TET2: variants seen among roughly 807,000 people sequenced by gnomAD.
The protein encoded by TET2 is tet methylcytosine dioxygenase 2.
A neutral mutation model predicts 142.9 loss-of-function variants in TET2; 299 were observed. The ratio of observed to expected loss-of-function variants is 2.09; its 90% confidence interval spans 1.90 to 2.30. The LOEUF (loss-of-function observed/expected upper bound fraction) is 2.30. Among genes scored for constraint, TET2 ranks in the 30% most tolerant of loss-of-function variants. The probability of loss-of-function intolerance (pLI) is 0.00; values close to 1 mark genes in which losing one functional copy is unlikely to be tolerated. For missense variants in TET2, 2,418 were observed against 2,378.0 expected (o/e 1.02, Z -0.35); for synonymous variants, 819 against 849.0 (o/e 0.96, Z 0.61).
intron 2 of TET2, among the ~76,000 whole-genome samples, chr4:105,190,951 A>G (rs930933898): frequency 2.0e-5 from 3 of 152,220 alleles, no homozygotes; most frequent in African/African-American, 7.2e-5. Context: ...TACCTCCTGC[A>G]CCTGGCTAGT....
rs958809261 is a variant in TET2, at chr4:105,277,811, C to G, written c.*1292C>G. The G allele has an allele frequency of 4.4e-6, 1 of 226,598 alleles. No homozygotes were observed. The highest frequency in any genetic ancestry group is 2.2e-5 in the African/African-American group (1 of 44,938). 14.0% of individuals were successfully genotyped at this position (226,598 alleles called of 1,614,324 possible). On this transcript the variant is annotated 3_prime_UTR_variant, in exon 11 of 11. Transcript: ENST00000380013. ...GCTGCATGCTGCAGACTCAACAAAGCTAGTTCACTGAAGCCTATGCTATTT... is the reference window on the plus strand; with the variant it reads ...GCTGCATGCTGCAGACTCAACAAAGGTAGTTCACTGAAGCCTATGCTATTT...
chr4:105,149,802 G>A (rs947512789), intron 1 of TET2, among the ~76,000 whole-genome samples: 1 of 152,128 alleles, frequency 6.6e-6, no homozygotes, highest in South Asian at 2.1e-4. Flanking sequence ...GCCAGAAGCC[G>A]GAGGAATTGA....
chr4:105,256,636 C>T (rs1730147375), intron 6 of TET2, among the ~76,000 whole-genome samples: 1 of 152,086 alleles, frequency 6.6e-6, no homozygotes, highest in African/African-American at 2.4e-5. Context: ...TGATGTTGTT[C>T]ATCAAATTTG....
intron 2 of TET2, among the ~76,000 whole-genome samples, chr4:105,211,607 A>G (rs1436017859): frequency 2.0e-5 from 3 of 152,184 alleles, no homozygotes; most frequent in Non-Finnish European, 2.9e-5. Context: ...ACACAGGTCT[A>G]AATGAAAGGA....
intron 2 of TET2, among the ~76,000 whole-genome samples, chr4:105,207,070 GATTCCAAAC>G (rs1474004023): frequency 6.6e-6 from 1 of 152,130 alleles, no homozygotes; most frequent in Non-Finnish European, 1.5e-5. Flanking sequence ...AACTGATAAA[GATTCCAAAC>G]ATTAATATAT....
chr4:105,210,903 AGAGT>A lies in TET2; in HGVS notation c.-47+20401_-47+20404del, dbSNP rs1578627307. Among the ~76,000 whole-genome samples, 3 of 152,194 alleles carry A rather than the reference AGAGT, an allele frequency of 2.0e-5. No individual in the cohort carries two copies. In the East Asian group the frequency reaches 5.8e-4, roughly 29 times the overall value. ...TTAATTCATTGTCTATACAGCTACC[AGAGT>A]GATCTTTTAAAGGTCTAAATCAGTT... On this transcript the variant is annotated intron_variant, in intron 2 of 10. Transcript: ENST00000380013.
intron 2 of TET2, among the ~76,000 whole-genome samples, chr4:105,208,025 A>G (rs1021559532): frequency 6.6e-6 from 1 of 152,186 alleles, no homozygotes; most frequent in African/African-American, 2.4e-5. Flanking sequence ...ACTAGGAGAC[A>G]ATTGAAAATC....
intron 9 of TET2, among the ~76,000 whole-genome samples, chr4:105,271,262 C>T (rs1371038300): frequency 6.6e-6 from 1 of 152,162 alleles, no homozygotes; most frequent in Non-Finnish European, 1.5e-5. Flanking sequence ...TACCAACCAC[C>T]CCAACATCTA....
intron 1 of TET2, among the ~76,000 whole-genome samples, chr4:105,182,465 G>A (rs554452070): frequency 2.0e-5 from 3 of 152,298 alleles, no homozygotes; most frequent in South Asian, 2.1e-4. Context: ...TAAGGGAGAC[G>A]TCTACTTGTC....
chr4:105,236,785 A>G lies in TET2; in HGVS notation c.2843A>G (p.Lys948Arg). The G allele has an allele frequency of 4.3e-6, 7 of 1,614,138 alleles. No individual in the cohort carries two copies. Among genetic ancestry groups the G allele is most frequent in the Non-Finnish European group, 5.9e-6 (7 of 1,179,996 alleles). ...TQTPPQKDTQ[K>R]HAALRWHLLQ... ...ACCCCTCCCCAGAAGGACACTCAAA[A>G]GCATGCTGCTCTAAGGTGGCATCTC... Residue 948 changes from lysine to arginine, a missense_variant, in exon 3 of 11, where the codon AAG becomes AGG. Coordinates refer to ENST00000380013, the MANE Select transcript of TET2 (RefSeq NM_001127208.3).
Position 105,237,148 on chromosome 4 carries a change from C to A in TET2, c.3206C>A (p.Thr1069Asn). 6.2e-7 allele frequency: 1 copy of A among 1,614,118 alleles called. No homozygotes were observed. The highest frequency in any genetic ancestry group is 2.2e-5 in the East Asian group (1 of 44,870). ...CCAGTCACAGTTTTGACTAGACAAACCACTGCTGCAGAACTTGATAGCCAC... is the reference window on the plus strand; with the variant it reads ...CCAGTCACAGTTTTGACTAGACAAAACACTGCTGCAGAACTTGATAGCCAC... ...SGPVTVLTRQTTAAELDSHTP... is the reference protein window; with the variant it reads ...SGPVTVLTRQNTAAELDSHTP... Residue 1069 changes from threonine (T) to asparagine (N), a missense_variant, in exon 3 of 11, where the codon ACC becomes AAC. Thr to Asn is a moderately conservative substitution (Grantham distance 65, BLOSUM62 0). Coordinates refer to ENST00000380013, the MANE Select transcript of TET2 (RefSeq NM_001127208.3).
intron 1 of TET2, among the ~76,000 whole-genome samples, chr4:105,179,992 G>A (rs997380576): frequency 6.6e-6 from 1 of 152,160 alleles, no homozygotes; most frequent in African/African-American, 2.4e-5. Context: ...ACTAAGGGTT[G>A]TTCATTTGTC....
At chr4:105,168,830 A>G (rs1423571522) in intron 1 of TET2, among the ~76,000 whole-genome samples, 3 of 152,162 alleles carry the variant, frequency 2.0e-5, no homozygotes, top group Admixed American at 2.0e-4. Context: ...GAGTGAGAAC[A>G]TATGATGTTT....
chr4:105,163,854 AGTGTGT>A (rs111673454), intron 1 of TET2, among the ~76,000 whole-genome samples: 4 of 85,238 alleles, frequency 4.7e-5, no homozygotes, highest in Middle Eastern at 6.0e-3. Flanking sequence ...AGAGAGAGAG[AGTGTGT>A]GTGTGTGTGT....
chr4:105,246,113 G>A (rs559147650), intron 6 of TET2, among the ~76,000 whole-genome samples: 68 of 152,220 alleles, frequency 4.5e-4, no homozygotes, highest in Non-Finnish European at 8.1e-4. Context: ...AGTAGAGACA[G>A]GGTTTCACCA....
intron 2 of TET2, among the ~76,000 whole-genome samples, chr4:105,224,684 G>GTCTCTCTC (rs34870510): frequency 0.098 from 10,614 of 107,930 alleles, 1,374 homozygotes; most frequent in Middle Eastern, 0.16. Context: ...ATATCAGCCA[G>GTCTCTCTC]TCTCTCTCTC....
chr4:105,205,725 G>A (rs778604398), intron 2 of TET2, among the ~76,000 whole-genome samples: 70 of 152,136 alleles, frequency 4.6e-4, no homozygotes, highest in Admixed American at 1.3e-3. Context: ...TCCGCCTCCC[G>A]GTTTCAAGAG....
intron 8 of TET2, among the ~76,000 whole-genome samples, chr4:105,262,830 G>T (rs537371149): frequency 6.6e-6 from 1 of 150,614 alleles, no homozygotes; most frequent in East Asian, 1.9e-4. Flanking sequence ...GCAGTGAGCC[G>T]AAGTCAAACC....
rs2110300528 is a variant in TET2 at position 105,269,654 on chromosome 4, G to A, written c.4089G>A (p.Lys1363=). The A allele has an allele frequency of 6.4e-7, 1 of 1,551,650 alleles. No individual in the cohort carries two copies. The highest frequency in any genetic ancestry group is 8.7e-7 in the Non-Finnish European group (1 of 1,146,946). The change falls in exon 9 of 11, where the codon AAG becomes AAA. Residue 1363 remains lysine, a synonymous_variant. Coordinates refer to ENST00000380013, the MANE Select transcript of TET2 (RefSeq NM_001127208.3). ...CACCAGAGTGCCGTCTGGGTCTGAA[G>A]GAAGGCCGTCCATTCTCAGGGGTCA... ...HRAPECRLGL[K]EGRPFSGVTA...
Sources: allele counts gnomAD v4.1 joint callset (sites outside exome capture counted in the v4.1 genomes callset), GRCh38; gene constraint gnomAD v4.1.1; transcripts MANE v1.5; gene names NCBI Gene and HGNC (gene_info 2026-07-23, HGNC 2026-07-21).